MPP7: variants seen among roughly 807,000 people sequenced by gnomAD.
The protein encoded by MPP7 is MAGUK p55 scaffold protein 7.
Under a neutral mutation model 76.5 loss-of-function variants are expected in MPP7, and 60 were observed. That is an observed-to-expected ratio of 0.78 (90% confidence interval 0.64 to 0.97). MPP7 has a LOEUF of 0.97. MPP7 is among the 50% of genes least tolerant of loss of function. MPP7 has a pLI of 0.00. For synonymous variants in MPP7, 237 were observed against 244.5 expected, an observed-to-expected ratio of 0.97 and a Z score of 0.29; for missense variants, 641 against 694.0, an observed-to-expected ratio of 0.92 and a Z score of 0.86.
chr10:28,319,283 A>G lies in MPP7; in HGVS notation c.-132+10646T>C, dbSNP rs561509850. On this transcript the variant is annotated intron_variant, in intron 2 of 11. Transcript: ENST00000441595. ...GGAAAATCCACCCCATGATCCAATCACCTCCCACCAGGTTCCTCCACCAAC... is the reference window on the plus strand; with the variant it reads ...GGAAAATCCACCCCATGATCCAATCGCCTCCCACCAGGTTCCTCCACCAAC... 2.6e-5 allele frequency among the ~76,000 whole-genome samples: 4 copies of G among 152,092 alleles called. No homozygotes were observed. In the South Asian group the frequency reaches 8.3e-4, roughly 32 times the overall value.
intron 3 of MPP7, among the ~76,000 whole-genome samples, chr10:28,193,173 G>C (rs1837464592): frequency 6.6e-6 from 1 of 151,442 alleles, no homozygotes; most frequent in Non-Finnish European, 1.5e-5. Flanking sequence ...CCTTGAGTTT[G>C]ACAATGAGTT....
At chr10:28,233,198 G>T (rs547891165) in intron 2 of MPP7, among the ~76,000 whole-genome samples, 2 of 152,142 alleles carry the variant, frequency 1.3e-5, no homozygotes, top group African/African-American at 4.8e-5. Flanking sequence ...ATGGTGGATG[G>T]TAGTAGCAGG....
At chr10:28,264,521 C>T (rs1043146102) in intron 1 of MPP7, among the ~76,000 whole-genome samples, 1 of 149,624 alleles carries the variant, frequency 6.7e-6, no homozygotes, top group Non-Finnish European at 1.5e-5. Context: ...GCCTTGGTCA[C>T]AAAATTAGAG....
chr10:28,281,081 TTTTC>T (rs1043876601), intron 1 of MPP7, among the ~76,000 whole-genome samples: 19 of 152,008 alleles, frequency 1.2e-4, no homozygotes, highest in African/African-American at 4.1e-4. Context: ...TCTTCTTTTT[TTTTC>T]TTTCTTTTTT....
At chr10:28,117,163 A>G (rs1834688451) in intron 11 of MPP7, among the ~76,000 whole-genome samples, 1 of 152,136 alleles carries the variant, frequency 6.6e-6, no homozygotes, top group African/African-American at 2.4e-5. Flanking sequence ...AAAGATTTAG[A>G]AAAGAGTAAT....
At chr10:28,107,192 A>G (rs1834352870) in intron 11 of MPP7, among the ~76,000 whole-genome samples, 1 of 151,918 alleles carries the variant, frequency 6.6e-6, no homozygotes, top group Non-Finnish European at 1.5e-5. Context: ...TTTCCGTGCT[A>G]TTTTCTTCTA....
chr10:28,185,771 A>G (rs2133926232), intron 3 of MPP7, among the ~76,000 whole-genome samples: 1 of 152,282 alleles, frequency 6.6e-6, no homozygotes, highest in Middle Eastern at 3.4e-3. Context: ...CTTCAAACAC[A>G]TGCTCTAGAA....
intron 6 of MPP7, among the ~76,000 whole-genome samples, chr10:28,130,670 G>C (rs1279721395): frequency 6.6e-6 from 1 of 152,114 alleles, no homozygotes; most frequent in African/African-American, 2.4e-5. Flanking sequence ...CGCTTTGACA[G>C]TCTTGTGGCT....
chr10:28,194,571 A>G (rs1320613914), intron 3 of MPP7, among the ~76,000 whole-genome samples: 1 of 152,204 alleles, frequency 6.6e-6, no homozygotes, highest in African/African-American at 2.4e-5. Context: ...TGTTGCCATG[A>G]GAAGACTTGA....
At chr10:28,069,298 T>C (rs1003421297) in intron 13 of MPP7, among the ~76,000 whole-genome samples, 1 of 152,204 alleles carries the variant, frequency 6.6e-6, no homozygotes, top group Non-Finnish European at 1.5e-5. Context: ...TATTTCAGCA[T>C]TTCATGCCTG....
intron 1 of MPP7, chr10:28,280,145 C>T (rs938535639): frequency 2.0e-5 from 3 of 151,984 alleles, no homozygotes; most frequent in Non-Finnish European, 4.4e-5. Flanking sequence ...CTATACCTAA[C>T]AGGACAAAAA....
intron 1 of MPP7, among the ~76,000 whole-genome samples, chr10:28,275,998 C>A (rs7100619): frequency 0.097 from 14,663 of 151,542 alleles, 906 homozygotes; most frequent in South Asian, 0.16. Flanking sequence ...TGAATACTCA[C>A]CCATCCTCTT....
chr10:28,248,372 G>A (rs1032172742), intron 1 of MPP7, among the ~76,000 whole-genome samples: 1 of 152,128 alleles, frequency 6.6e-6, no homozygotes, highest in African/African-American at 2.4e-5. Context: ...GAGGAGACAT[G>A]CCCTCACAAG....
chr10:28,134,962 C>A (rs1428993630), intron 5 of MPP7, among the ~76,000 whole-genome samples: 1 of 151,722 alleles, frequency 6.6e-6, no homozygotes, highest in African/African-American at 2.4e-5. Context: ...AAGATGAGGA[C>A]CAAGATGAGG....
intron 13 of MPP7, 119 bp downstream of exon 13, chr10:28,069,653 T>C (rs1852139089): frequency 3.1e-6 from 2 of 640,440 alleles, no homozygotes; most frequent in Non-Finnish European, 5.0e-6. Context: ...TAAATACATA[T>C]ACCTACCATG....
At chr10:28,105,656 C>A (rs183712259) in intron 11 of MPP7, among the ~76,000 whole-genome samples, 2 of 152,090 alleles carry the variant, frequency 1.3e-5, no homozygotes, top group Non-Finnish European at 2.9e-5. Context: ...TACAGGTGTG[C>A]GCCACTATGC....
chr10:28,256,994 T>C (rs1839807674), intron 1 of MPP7, among the ~76,000 whole-genome samples: 1 of 152,192 alleles, frequency 6.6e-6, no homozygotes, highest in East Asian at 1.9e-4. Context: ...TTGGCTACAG[T>C]CATGATTACA....
At chr10:28,126,566 C>T (rs1835023447) in intron 6 of MPP7, among the ~76,000 whole-genome samples, 1 of 152,162 alleles carries the variant, frequency 6.6e-6, no homozygotes, top group South Asian at 2.1e-4. Context: ...GAGACACAAT[C>T]ATTCATCTCA....
At chr10:28,278,557 T>C (rs1840572954) in intron 1 of MPP7, among the ~76,000 whole-genome samples, 1 of 151,756 alleles carries the variant, frequency 6.6e-6, no homozygotes, top group African/African-American at 2.4e-5. Context: ...TATATCATCA[T>C]GGCTAGATAT....
Sources: gnomAD v4.1 joint callset for allele counts (sites outside exome capture counted in the v4.1 genomes callset) on GRCh38, gnomAD v4.1.1 for gene constraint, MANE v1.5 for transcripts, NCBI Gene and HGNC (gene_info 2026-07-23, HGNC 2026-07-21) for gene names.